The following MIDEAS variants were observed in gnomAD, a reference collection of about 807,000 sequenced individuals.
The protein encoded by MIDEAS is mitotic deacetylase associated SANT domain protein, also known as mitotic deacetylase-associated SANT domain protein.
MIDEAS carries 26 observed loss-of-function variants against 102.7 expected under a neutral mutation model. The observed-to-expected ratio is 0.25, with a 90% CI of 0.19 to 0.35. MIDEAS has a LOEUF of 0.35. Ranked by LOEUF, MIDEAS falls within the 10% of genes least tolerant of loss-of-function variation. The pLI is 1.00. For synonymous variants in MIDEAS, 585 were observed against 591.0 expected (o/e 0.99, Z 0.15); for missense variants, 1,231 against 1,435.6 (o/e 0.86, Z 2.30).
rs1301231268 is a variant in MIDEAS at position 73,717,199 on chromosome 14, T to C, written c.*1644A>G. The C allele has an allele frequency of 1.3e-5, 2 of 152,196 alleles. No individual in the cohort carries two copies. The highest frequency in any genetic ancestry group is 2.4e-5 in the African/African-American group (1 of 41,394). The allele number at this position is 152,196 out of a possible 1,614,324, so 9.4% of individuals were successfully genotyped here. Reference sequence around the variant, plus strand: ...GGCTATCTCATAAGGAGTAGCAGTATGAATACTTTCTGGCTCCTTCCTAAT... The same window carrying C: ...GGCTATCTCATAAGGAGTAGCAGTACGAATACTTTCTGGCTCCTTCCTAAT... On this transcript the variant is annotated 3_prime_UTR_variant, in exon 13 of 13. Transcript: ENST00000423556.
intron 1 of MIDEAS, among the ~76,000 whole-genome samples, chr14:73,771,674 T>C (rs1466519626): frequency 6.6e-6 from 1 of 152,200 alleles, no homozygotes; most frequent in Non-Finnish European, 1.5e-5. Flanking sequence ...AACCTGCAGC[T>C]GCGCGTCCCA....
intron 1 of MIDEAS, among the ~76,000 whole-genome samples, chr14:73,772,794 A>AGTGTGTGTGTGTGTGTGTGTGTGT (rs61402555): frequency 7.4e-6 from 1 of 135,628 alleles, no homozygotes; most frequent in African/African-American, 2.8e-5. Context: ...TTCAAGTTCT[A>AGTGTGTGTGTGTGTGTGTGTGTGT]GTGTGTGTGT....
chr14:73,758,139 G>A (rs2053507907), intron 1 of MIDEAS, among the ~76,000 whole-genome samples: 1 of 152,188 alleles, frequency 6.6e-6, no homozygotes, highest in Non-Finnish European at 1.5e-5. Flanking sequence ...CTGGACCAGG[G>A]CCATGCAACG....
chr14:73,733,718 G>A (rs1018131645), intron 3 of MIDEAS, among the ~76,000 whole-genome samples: 24 of 152,094 alleles, frequency 1.6e-4, no homozygotes, highest in Non-Finnish European at 2.6e-4. Flanking sequence ...TGTTTGAGAC[G>A]AAGTCTCACT....
upstream of MIDEAS, among the ~76,000 whole-genome samples, chr14:73,760,567 T>C (rs1389429164): frequency 2.6e-5 from 4 of 152,208 alleles, no homozygotes; most frequent in South Asian, 4.1e-4. This position sits in a 1 kb window ranked among gnomAD's most constrained non-coding sequence, Gnocchi z 4.8. Flanking sequence ...TGGAAACCCA[T>C]TGAGCCTGCC....
chr14:73,770,365 T>TGATGATGATGAC (rs1491214822), intron 1 of MIDEAS, among the ~76,000 whole-genome samples: 2 of 70,348 alleles, frequency 2.8e-5, no homozygotes, highest in Admixed American at 2.1e-4. Flanking sequence ...ATGATGACGA[T>TGATGATGATGAC]GATGATGATG....
At chr14:73,729,518 G>C in intron 4 of MIDEAS, 122 bp downstream of exon 4, 1 of 818,596 alleles carries the variant, frequency 1.2e-6, no homozygotes, top group Non-Finnish European at 1.9e-6. Context: ...AGAGAAGACA[G>C]AGCAGAGCTC....
At chr14:73,756,263 T>C (rs566748554) in intron 1 of MIDEAS, among the ~76,000 whole-genome samples, 130 of 120,466 alleles carry the variant, frequency 1.1e-3, no homozygotes, top group Non-Finnish European at 1.5e-3. Flanking sequence ...CGAGAGCCCA[T>C]GTCAGTGTGT....
At chr14:73,743,013 T>G (rs1595272784) in intron 1 of MIDEAS, among the ~76,000 whole-genome samples, 1 of 152,266 alleles carries the variant, frequency 6.6e-6, no homozygotes, top group African/African-American at 2.4e-5. Flanking sequence ...GTTAGCTAGA[T>G]GAGGCTCAGA....
chr14:73,764,748 G>A (rs946844808), upstream of MIDEAS, among the ~76,000 whole-genome samples: 6 of 152,136 alleles, frequency 3.9e-5, no homozygotes, highest in East Asian at 5.8e-4. Context: ...CTCCTCCTCC[G>A]CTCACATTGA....
Position 73,726,879 on chromosome 14 carries a change from C to T in MIDEAS, c.2256G>A (p.Val752=), listed in dbSNP as rs759251014. 32 of 1,613,614 alleles carry T rather than the reference C, an allele frequency of 2.0e-5. No individual in the cohort carries two copies. Among genetic ancestry groups the T allele is most frequent in the Non-Finnish European group, 2.6e-5 (31 of 1,179,706 alleles). Residue 752 remains valine, a synonymous_variant, in exon 6 of 13, where the codon GTG becomes GTA. Coordinates refer to ENST00000423556, the MANE Select transcript of MIDEAS (RefSeq NM_001367710.1). The part of the protein sequence containing the change: ...AAADPHKADL[V]WQPWEDLESS... ...TCTCTAGGTCCTCCCATGGCTGCCA[C>T]ACCAAGTCAGCCTTGTGGGGATCTG...
chr14:73,778,605 A>T (rs369802134), intron 1 of MIDEAS, among the ~76,000 whole-genome samples: 7 of 151,882 alleles, frequency 4.6e-5, no homozygotes, highest in African/African-American at 1.7e-4. Context: ...GAGGCCACAG[A>T]GGAAGCAGAC....
At chr14:73,724,362 C>T (rs936359336) in intron 9 of MIDEAS, 3 of 152,052 alleles carry the variant, frequency 2.0e-5, no homozygotes, top group Admixed American at 6.5e-5. Context: ...GGCCAAGTCA[C>T]ACATGTATTA....
At chr14:73,777,509 G>A (rs11624123) in intron 1 of MIDEAS, among the ~76,000 whole-genome samples, 77,498 of 151,730 alleles carry the variant, frequency 0.51, 21,245 homozygotes, top group East Asian at 0.83. Context: ...GGCCCTGCCT[G>A]CCCCTTTCTG....
chr14:73,736,231 A>G (rs994545968), intron 3 of MIDEAS, among the ~76,000 whole-genome samples: 25 of 152,232 alleles, frequency 1.6e-4, no homozygotes, highest in Non-Finnish European at 3.2e-4. Flanking sequence ...GAAACTTCAT[A>G]AAGTATCTAA....
At chr14:73,728,302 G>A (rs1204524235) in intron 4 of MIDEAS, 1 of 146,442 alleles carries the variant, frequency 6.8e-6, no homozygotes, top group Non-Finnish European at 1.5e-5. Context: ...ACTCCCTCCT[G>A]CAATGTGAGA....
chr14:73,771,028 A>C (rs2053637655), intron 1 of MIDEAS, among the ~76,000 whole-genome samples: 1 of 152,154 alleles, frequency 6.6e-6, no homozygotes, highest in African/African-American at 2.4e-5. Flanking sequence ...ATTCTAGAAA[A>C]GCACAGAGAC....
Position 73,759,153 on chromosome 14 carries a change from G to T in MIDEAS, c.-248+610C>A, listed in dbSNP as rs111658994. On this transcript the variant is annotated intron_variant, in intron 1 of 12. Transcript: ENST00000423556. This position sits in a 1 kb window ranked among gnomAD's most constrained non-coding sequence, Gnocchi z 6.7. The stretch of plus-strand genomic sequence containing the variant: ...GCTCCAGCCTAGGCCTCTGCTGACT[G>T]CATTTGCCCCAGTTCCCCAACGCCC... Among the ~76,000 whole-genome samples, 1,211 of 152,252 alleles carry T rather than the reference G, an allele frequency of 8.0e-3. 11 individuals carry two copies. Among genetic ancestry groups the T allele is most frequent in the African/African-American group, 0.028 (1,152 of 41,568 alleles).
At chr14:73,760,763 C>T (rs2053547562), upstream of MIDEAS, among the ~76,000 whole-genome samples, 3 of 152,166 alleles carry the variant, frequency 2.0e-5, no homozygotes, top group Admixed American at 6.5e-5. The surrounding 1 kb of genome is among the most constrained non-coding windows in gnomAD (Gnocchi z 4.8). Flanking sequence ...GAGAAACTGG[C>T]CTCAGTCCCT....
Sources: gnomAD v4.1 joint callset for allele counts (sites outside exome capture counted in the v4.1 genomes callset) on GRCh38, gnomAD v4.1.1 for gene constraint, Gnocchi (gnomAD v3.1) non-coding constraint, MANE v1.5 for transcripts, NCBI Gene and HGNC (gene_info 2026-07-23, HGNC 2026-07-21) for gene names.